Variants in SETDB2 observed in about 807,000 individuals in gnomAD.
The protein encoded by SETDB2 is histone-lysine N-methyltransferase SETDB2.
SETDB2 carries 56 observed loss-of-function variants against 82.5 expected under a neutral mutation model. The ratio of observed to expected loss-of-function variants is 0.68; its 90% CI spans 0.55 to 0.85. The LOEUF is 0.85. SETDB2 is among the 40% of genes least tolerant of loss of function. The pLI is 0.00. For synonymous variants in SETDB2, 272 were observed against 284.9 expected, an observed-to-expected ratio of 0.95 and a Z score of 0.46; for missense variants, 677 against 816.4, an observed-to-expected ratio of 0.83 and a Z score of 2.08.
chr13:49,487,817 ACTG>A (rs1469405078), intron 11 of SETDB2, among the ~76,000 whole-genome samples: 3 of 152,220 alleles, frequency 2.0e-5, no homozygotes, highest in African/African-American at 7.2e-5. Context: ...TACAGTTGTC[ACTG>A]CTGGGACTTG....
chr13:49,486,596 T>A (rs1958602529), intron 11 of SETDB2, among the ~76,000 whole-genome samples: 3 of 152,346 alleles, frequency 2.0e-5, no homozygotes, highest in African/African-American at 7.2e-5. Flanking sequence ...GCAGCCACTT[T>A]CAAACTCTTT....
At chr13:49,487,248 G>A (rs1213527080) in intron 11 of SETDB2, among the ~76,000 whole-genome samples, 3 of 152,050 alleles carry the variant, frequency 2.0e-5, no homozygotes, top group East Asian at 1.9e-4. Context: ...ATTTCTTTGC[G>A]CCATTGAATT....
intron 10 of SETDB2, among the ~76,000 whole-genome samples, chr13:49,484,910 C>T (rs1244374122): frequency 6.6e-6 from 1 of 152,212 alleles, no homozygotes; most frequent in Admixed American, 6.5e-5. Context: ...TAACCTCCAG[C>T]TCTGCTGCGT....
At chr13:49,466,955 C>T (rs777974486) in intron 4 of SETDB2, among the ~76,000 whole-genome samples, 2 of 151,862 alleles carry the variant, frequency 1.3e-5, no homozygotes, top group African/African-American at 2.4e-5. Context: ...GTGCTTGGCT[C>T]AGCTATCAGA....
At chr13:49,480,052 G>T (rs931197530) in intron 6 of SETDB2, among the ~76,000 whole-genome samples, 167 bp from the exon 7 acceptor site, 6 of 152,172 alleles carry the variant, frequency 3.9e-5, no homozygotes, top group Admixed American at 3.9e-4. Context: ...GGGAGGTATT[G>T]TCTTTCAAAG....
In SETDB2 at chr13:49,482,776, G is replaced by A. The variant is rs1958505618; in HGVS notation, c.1196G>A (p.Gly399Asp). 3.1e-6 allele frequency: 5 copies of A among 1,612,402 alleles called. No individual in the cohort carries two copies. Among genetic ancestry groups the A allele is most frequent in the Non-Finnish European group, 4.2e-6 (5 of 1,178,938 alleles). Residue 399 changes from glycine to aspartate, a missense_variant, in exon 9 of 14, where the codon GGT becomes GAT. By Grantham distance (94) the Gly-to-Asp change is moderately conservative (BLOSUM62 -1). Transcript: ENST00000611815. The part of the protein sequence containing the change: ...LSRANTEKSY[G>D]IDENGRDENT... ...AGAGCTAACACTGAAAAATCTTATG[G>A]TATTGATGAAAACGGGAGAGATGAG...
At chr13:49,468,299 GTTTC>G (rs1380976636) in intron 5 of SETDB2, among the ~76,000 whole-genome samples, 1 of 152,058 alleles carries the variant, frequency 6.6e-6, no homozygotes, top group Non-Finnish European at 1.5e-5. Context: ...GTGTCAAAAT[GTTTC>G]TTTCAGTATC....
At chr13:49,464,977 G>A in intron 4 of SETDB2, among the ~76,000 whole-genome samples, 1 of 151,638 alleles carries the variant, frequency 6.6e-6, no homozygotes, top group Non-Finnish European at 1.5e-5. Flanking sequence ...GCAGTGGGAG[G>A]ATCGCTCGAG....
At position 49,485,729 on chromosome 13, in the gene SETDB2, CTT is replaced by C. The variant is rs866483852; in HGVS notation, c.1576+8_1576+9del. 29 of 1,611,524 alleles carry C rather than the reference CTT, an allele frequency of 1.8e-5. No individual in the cohort carries two copies. The highest frequency in any genetic ancestry group is 2.4e-5 in the Non-Finnish European group (28 of 1,177,754). The stretch of plus-strand genomic sequence containing the variant: ...TAAAACCAAGGGAGCACAAAGTAGG[CTT>C]TGTTTCTTCTGTGAATGCCTACCTC... On this transcript the variant is annotated splice_region_variant and intron_variant, in intron 11 of 13. Transcript: ENST00000611815.
intron 1 of SETDB2, among the ~76,000 whole-genome samples, chr13:49,449,883 T>A (rs1957755827): frequency 6.6e-6 from 1 of 152,238 alleles, no homozygotes; most frequent in Non-Finnish European, 1.5e-5. Context: ...GGTTCATTTT[T>A]CATCATCAGA....
At chr13:49,450,741 A>G (rs9568207) in intron 1 of SETDB2, among the ~76,000 whole-genome samples, 5,996 of 152,138 alleles carry the variant, frequency 0.039, 203 homozygotes, top group East Asian at 0.17. Flanking sequence ...TGGAAGTGGC[A>G]GAAGAATTTA....
intron 1 of SETDB2, among the ~76,000 whole-genome samples, chr13:49,450,415 A>G (rs557554355): frequency 3.9e-4 from 60 of 152,240 alleles, no homozygotes. Flanking sequence ...TTTTATATCC[A>G]AGATAGCTAA....
intron 2 of SETDB2, among the ~76,000 whole-genome samples, chr13:49,458,796 A>G (rs1957940394): frequency 6.6e-6 from 1 of 152,218 alleles, no homozygotes; most frequent in South Asian, 2.1e-4. Flanking sequence ...ATTATTGTCC[A>G]TATGATTGCC....
chr13:49,450,926 C>A (rs1210692523), intron 1 of SETDB2, among the ~76,000 whole-genome samples: 2 of 149,900 alleles, frequency 1.3e-5, no homozygotes, highest in East Asian at 1.9e-4. Flanking sequence ...ATCTAAATAT[C>A]GAATATAGAG....
At chr13:49,466,015 A>G (rs961227855) in intron 4 of SETDB2, among the ~76,000 whole-genome samples, 2 of 152,236 alleles carry the variant, frequency 1.3e-5, no homozygotes, top group African/African-American at 4.8e-5. Flanking sequence ...AAAGGGTAAC[A>G]TACAGATATT....
At position 49,489,551 on chromosome 13, in the gene SETDB2, C is replaced by A. The variant is rs7139634; in HGVS notation, c.1917+921C>A. 1.1e-4 allele frequency among the ~76,000 whole-genome samples: 15 copies of A among 139,122 alleles called. No individual in the cohort carries two copies. The South Asian group carries it at 3.1e-3, about 28-fold the overall frequency. 91.3% of individuals were successfully genotyped at this position (139,122 alleles called of 152,430 possible). A position where few individuals can be genotyped will look rare whatever the true frequency, so the allele number is the denominator to read the frequency against. On this transcript the variant is annotated intron_variant, in intron 12 of 13. Transcript: ENST00000611815. ...CTTGAGAAGTACTGTGCTCCTGTTC[C>A]CATGCCCCGACTCCACCTTCTCTCT...
At chr13:49,490,279 C>CAAAA (rs60013535) in intron 12 of SETDB2, among the ~76,000 whole-genome samples, 36,084 of 82,588 alleles carry the variant, frequency 0.44, 9,144 homozygotes, top group Non-Finnish European at 0.54. Context: ...GACTCCGTCT[C>CAAAA]AAAAAAAAAA....
rs1285497118 is a variant in SETDB2 at position 49,467,979 on chromosome 13, T to C, written c.305+19T>C. The C allele has an allele frequency of 2.6e-6, 4 of 1,509,616 alleles. No homozygotes were observed. The highest frequency in any genetic ancestry group is 2.5e-5 in the South Asian group (2 of 80,652). The allele number at this position is 1,509,616 out of a possible 1,614,324, so 93.5% of individuals were successfully genotyped here. ...CATTTCTGTATGTATATAAATTCTT[T>C]GTTATTAATGCTTTTGCTCCTACAG... On this transcript the variant is annotated intron_variant, in intron 5 of 13. Coordinates refer to ENST00000611815, the MANE Select transcript of SETDB2 (RefSeq NM_001160308.3).
intron 5 of SETDB2, 33 bp from the exon 6 acceptor site, chr13:49,476,443 T>G (rs777212176): frequency 5.8e-6 from 8 of 1,372,670 alleles, no homozygotes; most frequent in Non-Finnish European, 8.0e-6. Context: ...GAACTATAAA[T>G]TTGAGATACT....
Sources: gnomAD v4.1 joint callset for allele counts (sites outside exome capture counted in the v4.1 genomes callset) on GRCh38, gnomAD v4.1.1 for gene constraint, MANE v1.5 for transcripts, NCBI Gene and HGNC (gene_info 2026-07-23, HGNC 2026-07-21) for gene names.